Variants in FOXP2 observed in about 807,000 individuals in gnomAD.
FOXP2 encodes forkhead box protein P2.
FOXP2 carries 12 observed loss-of-function variants against 115.8 expected under a neutral mutation model. The observed-to-expected ratio is 0.10, with a 90% CI of 0.07 to 0.17. FOXP2 has a LOEUF of 0.17. Ranked by LOEUF, FOXP2 falls within the 10% of genes least tolerant of loss-of-function variation. FOXP2 has a pLI of 1.00. For missense variants in FOXP2, 629 were observed against 843.5 expected (o/e 0.75, Z 3.15); for synonymous variants, 328 against 297.7 (o/e 1.10, Z -1.05).
At chr7:114,196,280 G>A (rs1793905136) in intron 1 of FOXP2, among the ~76,000 whole-genome samples, 4 of 152,230 alleles carry the variant, frequency 2.6e-5, no homozygotes, top group Admixed American at 6.5e-5. Flanking sequence ...AAAGTGCTGT[G>A]ATTATAGGCA....
At chr7:114,198,153 C>CG (rs1462537105) in intron 1 of FOXP2, among the ~76,000 whole-genome samples, 1 of 152,038 alleles carries the variant, frequency 6.6e-6, no homozygotes, top group East Asian at 1.9e-4. Flanking sequence ...CATGAGCTAC[C>CG]GCCCCCAGCC....
At chr7:114,510,724 G>A (rs891371928) in intron 2 of FOXP2, among the ~76,000 whole-genome samples, 14 of 152,190 alleles carry the variant, frequency 9.2e-5, no homozygotes, top group Middle Eastern at 3.2e-3. Context: ...TGGAGAGGAT[G>A]TGGAGAAATA....
At chr7:114,338,150 T>G (rs1797905086) in intron 2 of FOXP2, among the ~76,000 whole-genome samples, 1 of 151,136 alleles carries the variant, frequency 6.6e-6, no homozygotes, top group Admixed American at 6.6e-5. Context: ...TTCAATTATG[T>G]GGAATTTTCT....
chr7:114,635,374 A>G (rs1301312434), intron 6 of FOXP2, among the ~76,000 whole-genome samples: 2 of 152,158 alleles, frequency 1.3e-5, no homozygotes, highest in African/African-American at 4.8e-5. Flanking sequence ...ATGTCATGCA[A>G]AAATATTACC....
intron 16 of FOXP2, 52 bp from the exon 17 acceptor site, chr7:114,689,730 C>T (rs1434895484): frequency 6.2e-7 from 1 of 1,607,082 alleles, no homozygotes. Flanking sequence ...GTTGGCCAAA[C>T]TCTGTTTGTT....
At chr7:114,317,600 G>A (rs1243447499) in intron 2 of FOXP2, among the ~76,000 whole-genome samples, 1 of 152,072 alleles carries the variant, frequency 6.6e-6, no homozygotes, top group African/African-American at 2.4e-5. Flanking sequence ...GTTAGTCTAA[G>A]TCTACAATTG....
intron 3 of FOXP2, among the ~76,000 whole-genome samples, chr7:114,587,005 A>C (rs1802169491): frequency 6.6e-6 from 1 of 152,070 alleles, no homozygotes; most frequent in Admixed American, 6.6e-5. Context: ...ATACTATTTA[A>C]AGCTGAGTTT....
At chr7:114,389,750 G>A (rs993970046) in intron 2 of FOXP2, among the ~76,000 whole-genome samples, 16 of 152,182 alleles carry the variant, frequency 1.1e-4, no homozygotes, top group Admixed American at 2.0e-4. Context: ...TTGGCCGGGC[G>A]CAGTGGCTCA....
chr7:114,337,733 A>G (rs922994034), intron 2 of FOXP2, among the ~76,000 whole-genome samples: 2 of 151,296 alleles, frequency 1.3e-5, no homozygotes, highest in East Asian at 3.9e-4. Flanking sequence ...TATTAGATGA[A>G]AAATGAAAAT....
At chr7:114,444,846 G>C (rs1056172083) in intron 2 of FOXP2, among the ~76,000 whole-genome samples, 1 of 152,066 alleles carries the variant, frequency 6.6e-6, no homozygotes, top group African/African-American at 2.4e-5. Context: ...AACAAAGAAT[G>C]GGAAAACTCT....
At chr7:114,340,942 C>A (rs1791186744) in intron 2 of FOXP2, among the ~76,000 whole-genome samples, 1 of 150,990 alleles carries the variant, frequency 6.6e-6, no homozygotes, top group Non-Finnish European at 1.5e-5. Context: ...TACTTAAAAT[C>A]TAAAATATCC....
chr7:114,316,897 G>C (rs936996912), intron 2 of FOXP2, among the ~76,000 whole-genome samples: 2 of 151,782 alleles, frequency 1.3e-5, no homozygotes, highest in African/African-American at 4.8e-5. Context: ...ATATAAACAC[G>C]ATTTTGTTAT....
rs775914921 is a variant in FOXP2, at chr7:114,691,178, A to G, written c.*1252A>G. ...TTTGTTTTCCCTCATTCAGTCAGTT[A>G]TTTTCAGTGGTGAATACATGTTGTT... On this transcript the variant is annotated 3_prime_UTR_variant, in exon 17 of 17. Transcript: ENST00000350908. The G allele has an allele frequency of 4.6e-5, 21 of 453,850 alleles. No homozygotes were observed. Among genetic ancestry groups the G allele is most frequent in the Non-Finnish European group, 7.5e-5 (17 of 226,742 alleles). 28.1% of individuals were successfully genotyped at this position (453,850 alleles called of 1,614,324 possible).
chr7:114,300,469 T>A (rs191296607), intron 2 of FOXP2, among the ~76,000 whole-genome samples: 1 of 152,018 alleles, frequency 6.6e-6, no homozygotes, highest in Non-Finnish European at 1.5e-5. Context: ...ATACATTTAA[T>A]GATTTTCTAT....
At chr7:114,192,188 T>C (rs953265335) in intron 1 of FOXP2, among the ~76,000 whole-genome samples, 4 of 70,552 alleles carry the variant, frequency 5.7e-5, no homozygotes, top group Non-Finnish European at 8.5e-5. Flanking sequence ...GGTTTCACCA[T>C]GTTGGCCAGG....
At chr7:114,127,349 T>C (rs1017354067) in intron 1 of FOXP2, among the ~76,000 whole-genome samples, 5 of 152,142 alleles carry the variant, frequency 3.3e-5, no homozygotes, top group African/African-American at 1.2e-4. Flanking sequence ...CTTGCCATGG[T>C]CAAGGGGAAA....
intron 3 of FOXP2, among the ~76,000 whole-genome samples, chr7:114,543,626 T>C (rs1799787687): frequency 1.3e-5 from 2 of 152,226 alleles, no homozygotes; most frequent in Admixed American, 1.3e-4. Context: ...AAAATCCATA[T>C]GAGTTTAGGA....
At chr7:114,185,746 G>C (rs555587260) in intron 1 of FOXP2, among the ~76,000 whole-genome samples, 4 of 152,062 alleles carry the variant, frequency 2.6e-5, no homozygotes, top group Non-Finnish European at 5.9e-5. Context: ...GCCTCCAAAG[G>C]TTCCTGATAA....
chr7:114,400,709 A>G (rs988917554), intron 2 of FOXP2, among the ~76,000 whole-genome samples: 1 of 152,138 alleles, frequency 6.6e-6, no homozygotes, highest in African/African-American at 2.4e-5. Context: ...CCTAGCATGC[A>G]CAGTTCACAA....
Sources: allele counts gnomAD v4.1 joint callset (sites outside exome capture counted in the v4.1 genomes callset), GRCh38; gene constraint gnomAD v4.1.1; transcripts MANE v1.5; gene names NCBI Gene and HGNC (gene_info 2026-07-23, HGNC 2026-07-21).